UGT1A8: variants seen among roughly 807,000 people sequenced by gnomAD.
UGT1A8 encodes the protein UDP-glucuronosyltransferase 1A8.
UGT1A8 carries 39 observed loss-of-function variants against 45.3 expected under a neutral mutation model. The ratio of observed to expected loss-of-function variants is 0.86; its 90% CI spans 0.67 to 1.12. The LOEUF is 1.12. Among genes scored for constraint, UGT1A8 ranks in the 50% most tolerant of loss-of-function variants. The pLI is 0.00. For synonymous variants in UGT1A8, 275 were observed against 249.2 expected (o/e 1.10, Z -0.97); for missense variants, 719 against 664.9 (o/e 1.08, Z -0.90).
At position 233,618,355 on chromosome 2, in the gene UGT1A8, A is replaced by G. The variant is rs1126804; in HGVS notation, c.648A>G (p.Glu216=). ...GGAACCACATCATGCACTTGGAGGA[A>G]CATTTATTTTGCCAGTATTTTTCCA... is the stretch of plus-strand genomic sequence containing the variant. The part of the protein sequence containing the change: ...RVRNHIMHLE[E]HLFCQYFSKN... The change falls in exon 1 of 5, where the codon GAA becomes GAG. Residue 216 remains glutamate (E), a synonymous_variant. Transcript: ENST00000373450. The G allele has an allele frequency of 1.4e-5, 22 of 1,613,806 alleles. No individual in the cohort carries two copies. The highest frequency in any genetic ancestry group is 1.9e-5 in the Non-Finnish European group (22 of 1,179,862).
intron 1 of UGT1A8, chr2:233,636,432 A>G (rs2073291134): frequency 1.3e-6 from 2 of 1,512,148 alleles, no homozygotes; most frequent in Non-Finnish European, 8.8e-7. Flanking sequence ...CACGCCCTCT[A>G]TTGGGGTCAG....
intron 1 of UGT1A8, among the ~76,000 whole-genome samples, chr2:233,749,698 G>A (rs1694252344): frequency 6.6e-6 from 1 of 151,854 alleles, no homozygotes; most frequent in Non-Finnish European, 1.5e-5. Flanking sequence ...TCTGGTGGGA[G>A]GTGATTGGAT....
chr2:233,659,749 T>C (rs1160857441), intron 1 of UGT1A8, among the ~76,000 whole-genome samples: 1 of 152,234 alleles, frequency 6.6e-6, no homozygotes, highest in Non-Finnish European at 1.5e-5. Flanking sequence ...GTATGAATTC[T>C]TCTTCACCAT....
chr2:233,631,867 G>A (rs1376925985), intron 1 of UGT1A8, among the ~76,000 whole-genome samples: 1 of 151,954 alleles, frequency 6.6e-6, no homozygotes, highest in East Asian at 1.9e-4. Flanking sequence ...TTTGGCTTTT[G>A]GTTGTCATTG....
chr2:233,670,834 T>C (rs934208914), intron 1 of UGT1A8, among the ~76,000 whole-genome samples: 1 of 152,206 alleles, frequency 6.6e-6, no homozygotes, highest in African/African-American at 2.4e-5. Context: ...GACCGTCTCT[T>C]ACTGGCAAGA....
At chr2:233,716,619 T>C (rs1353920289) in intron 1 of UGT1A8, among the ~76,000 whole-genome samples, 1 of 152,234 alleles carries the variant, frequency 6.6e-6, no homozygotes, top group Non-Finnish European at 1.5e-5. Context: ...AGGTTTATTC[T>C]AGTGAAGTTT....
intron 1 of UGT1A8, among the ~76,000 whole-genome samples, chr2:233,711,310 G>T (rs1337998039): frequency 6.6e-6 from 1 of 152,194 alleles, no homozygotes; most frequent in Non-Finnish European, 1.5e-5. Context: ...AGATGACATT[G>T]GTGTCTAAAC....
intron 1 of UGT1A8, among the ~76,000 whole-genome samples, chr2:233,722,845 CT>C (rs61550889): frequency 0.025 from 3,404 of 135,242 alleles, 237 homozygotes; most frequent in African/African-American, 0.08. Context: ...AAGAATGTTT[CT>C]TTTTTTTTTT....
At chr2:233,663,495 T>C (rs536136883) in intron 1 of UGT1A8, among the ~76,000 whole-genome samples, 1 of 152,114 alleles carries the variant, frequency 6.6e-6, no homozygotes, top group East Asian at 1.9e-4. Flanking sequence ...TGCCAGCTGA[T>C]CCATCAAGGA....
chr2:233,633,292 C>T (rs1466833711), intron 1 of UGT1A8, among the ~76,000 whole-genome samples: 2 of 152,108 alleles, frequency 1.3e-5, no homozygotes, highest in Admixed American at 1.3e-4. Context: ...GTGTCTCTGC[C>T]ACATCCTGGT....
intron 1 of UGT1A8, among the ~76,000 whole-genome samples, chr2:233,739,658 C>G (rs1397600161): frequency 6.6e-6 from 1 of 152,228 alleles, no homozygotes; most frequent in Non-Finnish European, 1.5e-5. Context: ...TCTGTACCCC[C>G]ATTGTGTCTT....
chr2:233,751,264 C>CT (rs1248433988), intron 1 of UGT1A8, among the ~76,000 whole-genome samples: 2 of 151,872 alleles, frequency 1.3e-5, no homozygotes, highest in Admixed American at 1.3e-4. Context: ...CTGTAGCCCC[C>CT]TTTTTTTGGC....
In UGT1A8 at chr2:233,754,812, C is replaced by A. The variant is rs570173329; in HGVS notation, c.856-12222C>A. 401 of 1,317,492 alleles carry A rather than the reference C, an allele frequency of 3.0e-4. 1 individual carries two copies. Among genetic ancestry groups the A allele is most frequent in the Non-Finnish European group, 3.4e-4 (334 of 983,548 alleles). 81.6% of individuals were successfully genotyped at this position (1,317,492 alleles called of 1,614,324 possible). On this transcript the variant is annotated intron_variant, in intron 1 of 4. Transcript: ENST00000373450. ...AAATCCTGTATCAAAAGAAGAAAAA[C>A]CACCCTCAAAAGCTGGAAATTCACT...
rs548313260 is a variant in UGT1A8, at chr2:233,691,460, G to A, written c.855+72898G>A. The A allele has an allele frequency of 1.4e-4, 137 of 985,760 alleles. 1 individual carries two copies. Among genetic ancestry groups the A allele is most frequent in the Admixed American group, 3.1e-4 (5 of 16,288 alleles). The allele number at this position is 985,760 out of a possible 1,614,324, so 61.1% of individuals were successfully genotyped here. The stretch of plus-strand genomic sequence containing the variant: ...GCTTCTTCTCCCTTCCTGGGCCCCA[G>A]AACACCTCCGGTGCCAAACTTGTGG... On this transcript the variant is annotated intron_variant, in intron 1 of 4. Coordinates refer to ENST00000373450, the MANE Select transcript of UGT1A8 (RefSeq NM_019076.5).
chr2:233,659,180 G>A (rs2073915688), intron 1 of UGT1A8, among the ~76,000 whole-genome samples: 1 of 152,148 alleles, frequency 6.6e-6, no homozygotes, highest in South Asian at 2.1e-4. Flanking sequence ...TTGATGTTAA[G>A]TGGTATTTTC....
intron 1 of UGT1A8, among the ~76,000 whole-genome samples, chr2:233,745,381 C>G (rs1382208819): frequency 6.6e-6 from 1 of 151,782 alleles, no homozygotes; most frequent in Admixed American, 6.6e-5. Flanking sequence ...TTCTCTTCAC[C>G]TCCTTATTCT....
chr2:233,673,201 C>T (rs1037495143), intron 1 of UGT1A8, among the ~76,000 whole-genome samples: 2 of 152,086 alleles, frequency 1.3e-5, no homozygotes, highest in South Asian at 2.1e-4. Context: ...ATTCTCACAC[C>T]TATTTTGTTA....
chr2:233,646,828 G>C (rs2073616457), intron 1 of UGT1A8, among the ~76,000 whole-genome samples: 1 of 152,166 alleles, frequency 6.6e-6, no homozygotes, highest in African/African-American at 2.4e-5. Context: ...ACCTCTGCCT[G>C]TTACCCAGTT....
intron 1 of UGT1A8, chr2:233,747,970 C>T: frequency 6.2e-7 from 1 of 1,613,476 alleles, no homozygotes; most frequent in Non-Finnish European, 8.5e-7. Context: ...AGCCATGCAT[C>T]TGTGTGGCTG....
Sources: gnomAD v4.1 joint callset for allele counts (sites outside exome capture counted in the v4.1 genomes callset) on GRCh38, gnomAD v4.1.1 for gene constraint, MANE v1.5 for transcripts, NCBI Gene and HGNC (gene_info 2026-07-23, HGNC 2026-07-21) for gene names.